IFT88: variants seen among roughly 807,000 people sequenced by gnomAD.
IFT88 encodes the protein intraflagellar transport 88, also known as intraflagellar transport protein 88 homolog.
A neutral mutation model predicts 119.5 loss-of-function variants in IFT88; 74 were observed. The ratio of observed to expected loss-of-function variants is 0.62; its 90% CI spans 0.51 to 0.75. IFT88 has a LOEUF of 0.75. IFT88 is among the 30% of genes least tolerant of loss of function. The probability of loss-of-function intolerance (pLI) is 0.00; values close to 1 mark genes in which losing one functional copy is unlikely to be tolerated. For synonymous variants in IFT88, 279 were observed against 316.7 expected (o/e 0.88, Z 1.26); for missense variants, 961 against 977.7 (o/e 0.98, Z 0.23).
chr13:20,641,046 C>T lies in IFT88; in HGVS notation c.1574-244C>T, dbSNP rs141467922. 2.1e-3 allele frequency among the ~76,000 whole-genome samples: 324 copies of T among 152,204 alleles called. 1 individual carries two copies. The highest frequency in any genetic ancestry group is 7.0e-3 in the African/African-American group (291 of 41,528). Reference sequence around the variant, plus strand: ...CATATAATCCTAGCTACTTGAGAGGCTGAGGTGGGAGAATCACCTGAGCCT... The same window carrying T: ...CATATAATCCTAGCTACTTGAGAGGTTGAGGTGGGAGAATCACCTGAGCCT... On this transcript the variant is annotated intron_variant, in intron 17 of 25. Coordinates refer to ENST00000351808, the MANE Select transcript of IFT88 (RefSeq NM_006531.5).
chr13:20,664,879 A>G (rs2054398833), intron 23 of IFT88, among the ~76,000 whole-genome samples: 2 of 152,142 alleles, frequency 1.3e-5, no homozygotes, highest in Non-Finnish European at 2.9e-5. Context: ...GGAGATCGAG[A>G]CCATCCTGGC....
At chr13:20,674,040 C>T (rs1164036358) in intron 24 of IFT88, among the ~76,000 whole-genome samples, 2 of 152,164 alleles carry the variant, frequency 1.3e-5, no homozygotes, top group African/African-American at 4.8e-5. Context: ...TCATTTCATC[C>T]TGGAGCCCAG....
chr13:20,602,542 T>A (rs941853685), intron 12 of IFT88, among the ~76,000 whole-genome samples: 2 of 152,222 alleles, frequency 1.3e-5, no homozygotes, highest in Admixed American at 1.3e-4. Flanking sequence ...TTATTTCACC[T>A]ATTAAGAGCC....
chr13:20,580,314 T>G (rs1377474111), intron 2 of IFT88, among the ~76,000 whole-genome samples: 1 of 152,138 alleles, frequency 6.6e-6, no homozygotes, highest in African/African-American at 2.4e-5. Flanking sequence ...GGTCCGGAGT[T>G]CAAGACCAGC....
intron 14 of IFT88, among the ~76,000 whole-genome samples, chr13:20,624,316 G>T (rs530016848): frequency 3.0e-4 from 45 of 152,176 alleles, no homozygotes; most frequent in African/African-American, 9.2e-4. Flanking sequence ...GAGAGAAGGG[G>T]CATGGAGCTG....
intron 14 of IFT88, among the ~76,000 whole-genome samples, chr13:20,616,954 G>C (rs564222140): frequency 1.3e-5 from 2 of 151,800 alleles, no homozygotes; most frequent in Non-Finnish European, 2.9e-5. Flanking sequence ...TGTTGTTGTT[G>C]TTGTTTTGAG....
intron 14 of IFT88, among the ~76,000 whole-genome samples, chr13:20,618,052 G>A (rs933762881): frequency 1.3e-5 from 2 of 152,064 alleles, no homozygotes; most frequent in Non-Finnish European, 2.9e-5. Context: ...AAAGTGTTGG[G>A]ATTACAGGCG....
intron 24 of IFT88, among the ~76,000 whole-genome samples, chr13:20,678,834 G>A (rs749894553): frequency 6.6e-6 from 1 of 152,092 alleles, no homozygotes; most frequent in Non-Finnish European, 1.5e-5. Flanking sequence ...GCTACTTCTC[G>A]CAAGATTTGG....
chr13:20,616,136 G>A (rs1186554438), intron 14 of IFT88, among the ~76,000 whole-genome samples: 1 of 152,134 alleles, frequency 6.6e-6, no homozygotes, highest in African/African-American at 2.4e-5. Context: ...ATATGACAGT[G>A]GTCTGGTAAG....
In IFT88 at chr13:20,599,427, A is replaced by C. The variant is rs1218912388; in HGVS notation, c.698-24A>C. On this transcript the variant is annotated intron_variant, in intron 10 of 25. Coordinates refer to ENST00000351808, the MANE Select transcript of IFT88 (RefSeq NM_006531.5). ...GAGTGGAAAAATGAGAGTATTATAC[A>C]TTCATTAAATTTTTTTAAATTAGGA... 5 of 814,978 alleles carry C rather than the reference A, an allele frequency of 6.1e-6. No individual in the cohort carries two copies. The South Asian group carries it at 8.2e-5, about 13-fold the overall frequency. The allele number at this position is 814,978 out of a possible 1,614,324, so 50.5% of individuals were successfully genotyped here.
intron 16 of IFT88, among the ~76,000 whole-genome samples, chr13:20,633,962 C>T (rs1387562867): frequency 2.0e-5 from 3 of 152,150 alleles, no homozygotes; most frequent in Non-Finnish European, 2.9e-5. Flanking sequence ...TTTTACTGGG[C>T]TTGCCTGGCC....
At chr13:20,650,437 A>G (rs1481301098) in intron 20 of IFT88, among the ~76,000 whole-genome samples, 2 of 152,204 alleles carry the variant, frequency 1.3e-5, no homozygotes, top group African/African-American at 4.8e-5. Context: ...TGTGATAAAA[A>G]TACTCCAATC....
At chr13:20,684,547 C>T (rs1032825120) in intron 24 of IFT88, among the ~76,000 whole-genome samples, 1 of 152,198 alleles carries the variant, frequency 6.6e-6, no homozygotes, top group African/African-American at 2.4e-5. Flanking sequence ...CAGGAATATC[C>T]TCAGCACCAT....
intron 14 of IFT88, among the ~76,000 whole-genome samples, chr13:20,625,307 C>T (rs2139944978): frequency 6.6e-6 from 1 of 152,192 alleles, no homozygotes; most frequent in Middle Eastern, 3.4e-3. Context: ...AGCACTGCCC[C>T]TGTTATAGAG....
chr13:20,573,277 ACCAGTGAGAATTTCTGACAG>A (rs61367881), intron 1 of IFT88, among the ~76,000 whole-genome samples: 80,110 of 151,702 alleles, frequency 0.53, 22,029 homozygotes, highest in East Asian at 0.68. Flanking sequence ...ATTTTTTTAA[ACCAGTGAGAATTTCTGACAG>A]ACAGCTTTGT....
At chr13:20,590,417 T>G (rs1212660053) in intron 4 of IFT88, among the ~76,000 whole-genome samples, 1 of 152,148 alleles carries the variant, frequency 6.6e-6, no homozygotes, top group African/African-American at 2.4e-5. Context: ...AAGAATTAGG[T>G]GGAATAGCTT....
chr13:20,581,822 C>CA (rs1729958117), intron 2 of IFT88, among the ~76,000 whole-genome samples: 1 of 145,356 alleles, frequency 6.9e-6, no homozygotes, highest in Admixed American at 7.0e-5. Context: ...CACTGTACTC[C>CA]AGCTTGGAGG....
At chr13:20,674,893 T>G (rs1594851592) in intron 24 of IFT88, among the ~76,000 whole-genome samples, 1 of 151,342 alleles carries the variant, frequency 6.6e-6, no homozygotes. Context: ...TTGGGTATTT[T>G]TAGTAGAGAT....
intron 13 of IFT88, among the ~76,000 whole-genome samples, chr13:20,614,817 C>CTTTTTTTTTTTTTTTTTTTTTTTT (rs762297940): frequency 7.9e-6 from 1 of 125,846 alleles, no homozygotes; most frequent in African/African-American, 2.8e-5. Flanking sequence ...TATTTCTTTT[C>CTTTTTTTTTTTTTTTTTTTTTTTT]TTTTTTTTTT....
Sources: allele counts gnomAD v4.1 joint callset (sites outside exome capture counted in the v4.1 genomes callset), GRCh38; gene constraint gnomAD v4.1.1; transcripts MANE v1.5; gene names NCBI Gene and HGNC (gene_info 2026-07-23, HGNC 2026-07-21).